TUBGCP2: variants seen among roughly 807,000 people sequenced by gnomAD.
The protein encoded by TUBGCP2 is gamma-tubulin complex component 2.
A neutral mutation model predicts 92.2 loss-of-function variants in TUBGCP2; 55 were observed. That is an observed-to-expected ratio of 0.60 (90% CI 0.48 to 0.75). The LOEUF (loss-of-function observed/expected upper bound fraction) is 0.75. TUBGCP2 is among the 30% of genes least tolerant of loss of function. The pLI, the probability that TUBGCP2 is intolerant of heterozygous loss-of-function variation, is 0.00. For synonymous variants in TUBGCP2, 533 were observed against 505.2 expected (o/e 1.06, Z -0.74); for missense variants, 1,093 against 1,188.9 (o/e 0.92, Z 1.19).
At chr10:133,301,607 T>C (rs1042054444) in intron 2 of TUBGCP2, 1 of 152,126 alleles carries the variant, frequency 6.6e-6, no homozygotes, top group African/African-American at 2.4e-5. Context: ...CAAAATCATT[T>C]TTACTGAAAA....
At chr10:133,305,900 C>T (rs1050604204) in intron 1 of TUBGCP2, among the ~76,000 whole-genome samples, 6 of 152,226 alleles carry the variant, frequency 3.9e-5, no homozygotes, top group Admixed American at 6.5e-5. Flanking sequence ...TGGACACTGA[C>T]GTGGCTACTT....
chr10:133,289,165 A>C (rs1203235802), intron 9 of TUBGCP2, 145 bp from the exon 10 acceptor site: 7 of 942,448 alleles, frequency 7.4e-6, no homozygotes, highest in Non-Finnish European at 1.1e-5. Context: ...CTTTGTCTAC[A>C]CAGAAGGCAG....
At chr10:133,293,529 C>T (rs1188138891) in intron 6 of TUBGCP2, 33 bp downstream of exon 6, 19 of 1,546,470 alleles carry the variant, frequency 1.2e-5, no homozygotes, top group South Asian at 2.4e-5. Flanking sequence ...CCCACAACAG[C>T]GCAGGCTCCC....
At position 133,279,510 on chromosome 10, in the gene TUBGCP2, A is replaced by G; in HGVS notation, c.*256T>C. The G allele has an allele frequency of 1.9e-6, 1 of 531,288 alleles. No individual in the cohort carries two copies. Among genetic ancestry groups the G allele is most frequent in the Non-Finnish European group, 3.2e-6 (1 of 315,612 alleles). 32.9% of individuals were successfully genotyped at this position (531,288 alleles called of 1,614,324 possible). A position where few individuals can be genotyped will look rare whatever the true frequency, so the allele number is the denominator to read the frequency against. ...ACCATGTATTTCCACTTTGAGGCCAAAAACACCCAAAAAGGTGATAGTGTA... is the reference window on the plus strand; with the variant it reads ...ACCATGTATTTCCACTTTGAGGCCAGAAACACCCAAAAAGGTGATAGTGTA... On this transcript the variant is annotated 3_prime_UTR_variant, in exon 18 of 18. Coordinates refer to ENST00000252936, the MANE Select transcript of TUBGCP2 (RefSeq NM_006659.4).
At chr10:133,309,682 G>A (rs987292336), upstream of TUBGCP2, 10 of 1,437,538 alleles carry the variant, frequency 7.0e-6, no homozygotes, top group East Asian at 9.1e-5. Context: ...ATGCATAGGG[G>A]CTTTATTGGA....
intron 1 of TUBGCP2, among the ~76,000 whole-genome samples, chr10:133,306,461 C>T (rs904522980): frequency 3.3e-5 from 5 of 152,186 alleles, no homozygotes; most frequent in African/African-American, 4.8e-5. Flanking sequence ...GGAGAGAAAG[C>T]TACCTATGAA....
At chr10:133,297,487 A>G in intron 5 of TUBGCP2, 1 of 431,726 alleles carries the variant, frequency 2.3e-6, no homozygotes, top group Non-Finnish European at 4.6e-6. Flanking sequence ...ACGTCTTGAA[A>G]TGACTGTGTG....
At chr10:133,301,207 C>T (rs1564773191) in intron 2 of TUBGCP2, among the ~76,000 whole-genome samples, 1 of 152,150 alleles carries the variant, frequency 6.6e-6, no homozygotes. Flanking sequence ...AGGCTCACCG[C>T]AACCTCCACC....
At chr10:133,289,113 T>C (rs1034377098) in intron 9 of TUBGCP2, 93 bp from the exon 10 acceptor site, 99 of 1,393,980 alleles carry the variant, frequency 7.1e-5, no homozygotes, top group Admixed American at 2.1e-4. Context: ...GGAATGGACA[T>C]TGAATGGGCT....
At chr10:133,291,308 C>T (rs1358185090) in intron 8 of TUBGCP2, among the ~76,000 whole-genome samples, 2 of 83,058 alleles carry the variant, frequency 2.4e-5, no homozygotes, top group Non-Finnish European at 4.8e-5. Context: ...GGAGCCCTAC[C>T]TGTACGGGAG....
intron 8 of TUBGCP2, 188 bp from the exon 9 acceptor site, chr10:133,290,157 G>A (rs939526137): frequency 3.9e-6 from 3 of 772,976 alleles, no homozygotes; most frequent in African/African-American, 3.5e-5. Flanking sequence ...CCTAGGGGCC[G>A]GGCACGGTGG....
At position 133,292,595 on chromosome 10, in the gene TUBGCP2, T is replaced by C. The variant is rs765198569; in HGVS notation, c.1118A>G (p.Gln373Arg). 3.5e-5 allele frequency: 57 copies of C among 1,613,842 alleles called. No individual in the cohort carries two copies. Among genetic ancestry groups the C allele is most frequent in the Non-Finnish European group, 4.5e-5 (53 of 1,179,802 alleles). Residue 373 changes from glutamine to arginine, a missense_variant, in exon 8 of 18, where the codon CAG (glutamine) becomes CGG (arginine). Physicochemically the swap from Gln to Arg is conservative, Grantham distance 43 (BLOSUM62 1). This residue lies in a region of TUBGCP2 where 490 missense variants were observed against 488.5 expected (regional missense o/e 1.00). Coordinates refer to ENST00000252936, the MANE Select transcript of TUBGCP2 (RefSeq NM_006659.4). ...SFSYTGDSQA[Q>R]ELCLYLTKAA... ...CTTGGTTAGGTACAGGCATAGCTCC[T>C]GCGCCTGGCTGTCCCCTGTGTAGCT...
At position 133,302,806 on chromosome 10, in the gene TUBGCP2, C is replaced by G; in HGVS notation, c.136G>C (p.Ala46Pro). The G allele has an allele frequency of 6.2e-7, 1 of 1,612,638 alleles. No homozygotes were observed. The highest frequency in any genetic ancestry group is 8.5e-7 in the Non-Finnish European group (1 of 1,179,966). Residue 46 changes from alanine to proline, a missense_variant, in exon 2 of 18, where the codon GCT becomes CCT. Transcript: ENST00000252936. ...RTPYVTTTVS[A>P]HSAKVKIAEF... Reference sequence around the variant, plus strand: ...GCAGTGCTCACCTTGGCACTGTGAGCAGAGACAGTGGTAGTGACGTACGGG... The same window carrying G: ...GCAGTGCTCACCTTGGCACTGTGAGGAGAGACAGTGGTAGTGACGTACGGG...
At chr10:133,283,659 CGT>C (rs1351808617) in intron 14 of TUBGCP2, among the ~76,000 whole-genome samples, 6 of 152,042 alleles carry the variant, frequency 3.9e-5, no homozygotes, top group Non-Finnish European at 8.8e-5. Context: ...TCCTGCACTC[CGT>C]GTCTCCCTGC....
intron 13 of TUBGCP2, among the ~76,000 whole-genome samples, chr10:133,284,383 G>A (rs1373403181): frequency 6.6e-6 from 1 of 152,124 alleles, no homozygotes; most frequent in East Asian, 1.9e-4. Flanking sequence ...TTTTCTTCGA[G>A]AGACAGGGTC....
In TUBGCP2 at chr10:133,281,362, GTTC is replaced by G; in HGVS notation, c.2481_2483del (p.Lys827del). On this transcript the variant is annotated inframe_deletion, in exon 17 of 18. Transcript: ENST00000252936. ...GGAGGTCCAGCAGGTGGGCTGAGAA[GTTC>G]TTGTCAAACTTGTTGATGGTGGCCT... 6.2e-7 allele frequency: 1 copy of G among 1,613,940 alleles called. No individual in the cohort carries two copies. Among genetic ancestry groups the G allele is most frequent in the Non-Finnish European group, 8.5e-7 (1 of 1,180,026 alleles).
intron 8 of TUBGCP2, 66 bp from the exon 9 acceptor site, chr10:133,290,035 C>T (rs555646670): frequency 6.3e-7 from 1 of 1,591,576 alleles, no homozygotes. Context: ...CGACACTTCT[C>T]CAGGCCGGCA....
At chr10:133,282,908 G>A (rs1357716541) in intron 15 of TUBGCP2, among the ~76,000 whole-genome samples, 170 bp downstream of exon 15, 1 of 152,210 alleles carries the variant, frequency 6.6e-6, no homozygotes, top group Non-Finnish European at 1.5e-5. Context: ...GGCTCCAGGA[G>A]GGAATCACCC....
chr10:133,286,622 G>C (rs959711650), intron 11 of TUBGCP2, among the ~76,000 whole-genome samples: 9 of 152,168 alleles, frequency 5.9e-5, no homozygotes, highest in African/African-American at 1.9e-4. Context: ...CGCGCGCACG[G>C]AACACTCTCC....
Sources: allele counts gnomAD v4.1 joint callset (sites outside exome capture counted in the v4.1 genomes callset), GRCh38; gene constraint gnomAD v4.1.1; regional missense constraint gnomAD v4.1.1; transcripts MANE v1.5; gene names NCBI Gene and HGNC (gene_info 2026-07-23, HGNC 2026-07-21).